The following INTS9 variants were observed in gnomAD, a reference collection of about 807,000 sequenced individuals.
The protein encoded by INTS9 is protein related to CPSF subunits of 74 kDa.
Under a neutral mutation model 79.7 loss-of-function variants are expected in INTS9, and 55 were observed. The ratio of observed to expected loss-of-function variants is 0.69; its 90% CI spans 0.56 to 0.86. INTS9 has a LOEUF of 0.86. INTS9 is among the 40% of genes least tolerant of loss of function. The probability of loss-of-function intolerance (pLI) is 0.00; values close to 1 mark genes in which losing one functional copy is unlikely to be tolerated. For missense variants in INTS9, 721 were observed against 831.5 expected (o/e 0.87, Z 1.64); for synonymous variants, 319 against 325.2 (o/e 0.98, Z 0.20).
chr8:28,777,747 C>A (rs1802977431), intron 13 of INTS9, 82 bp downstream of exon 13: 2 of 1,448,846 alleles, frequency 1.4e-6, no homozygotes, highest in Non-Finnish European at 1.8e-6. Context: ...ACAGCTAGAT[C>A]TCTCTCCCCT....
At chr8:28,803,423 T>A (rs1455882697) in intron 8 of INTS9, among the ~76,000 whole-genome samples, 1 of 152,260 alleles carries the variant, frequency 6.6e-6, no homozygotes, top group Non-Finnish European at 1.5e-5. Context: ...CCAATACGTT[T>A]ATGGGATCTT....
At chr8:28,844,113 G>A (rs1404184540) in intron 4 of INTS9, among the ~76,000 whole-genome samples, 2 of 152,174 alleles carry the variant, frequency 1.3e-5, no homozygotes, top group African/African-American at 2.4e-5. Context: ...ACAGGAGGTG[G>A]CTATGAAGTT....
chr8:28,773,238 T>C lies in INTS9; in HGVS notation c.1564-2158A>G, dbSNP rs191695902. 2.4e-3 allele frequency among the ~76,000 whole-genome samples: 370 copies of C among 151,944 alleles called. 18 individuals are homozygous for C. The East Asian group carries it at 0.055, about 23-fold the overall frequency. On this transcript the variant is annotated intron_variant, in intron 14 of 16. Transcript: ENST00000521022. The stretch of plus-strand genomic sequence containing the variant: ...CAGCACTCTGGGAGGCCAAGGCGGG[T>C]GGATCACAAGGTCAGGAGATTGAGA...
intron 2 of INTS9, among the ~76,000 whole-genome samples, chr8:28,852,465 T>C (rs1455462521): frequency 6.6e-6 from 1 of 152,236 alleles, no homozygotes; most frequent in Non-Finnish European, 1.5e-5. Context: ...TTGAAAAATA[T>C]ATTTGCTATC....
chr8:28,797,669 C>T (rs948648017), intron 8 of INTS9, among the ~76,000 whole-genome samples: 1 of 152,016 alleles, frequency 6.6e-6, no homozygotes, highest in African/African-American at 2.4e-5. Flanking sequence ...AATAAGAAAC[C>T]AAAATGAGGG....
chr8:28,844,897 A>G lies in INTS9; in HGVS notation c.261+1850T>C, dbSNP rs916413004. ...AGAAAATAGACTAGTTTCTATATAT[A>G]TTTTATGCATTCATGACATGCCTAA... On this transcript the variant is annotated intron_variant, in intron 4 of 16. Coordinates refer to ENST00000521022, the MANE Select transcript of INTS9 (RefSeq NM_018250.4). Among the ~76,000 whole-genome samples the G allele has an allele frequency of 5.3e-5, 8 of 152,306 alleles. No homozygotes were observed. The East Asian group carries it at 1.5e-3, about 29-fold the overall frequency.
chr8:28,792,333 AAAAG>A (rs1469711272), intron 10 of INTS9, among the ~76,000 whole-genome samples: 10 of 152,284 alleles, frequency 6.6e-5, no homozygotes, highest in Middle Eastern at 3.4e-3. Flanking sequence ...GTGATGTAAA[AAAAG>A]AAAGAAAGAA....
chr8:28,773,395 C>T (rs191080424), intron 14 of INTS9, among the ~76,000 whole-genome samples: 2 of 142,546 alleles, frequency 1.4e-5, no homozygotes, highest in Admixed American at 7.3e-5. Context: ...AGCTGGGAGG[C>T]GGAGCTTGCA....
chr8:28,849,553 C>T (rs559071489), intron 3 of INTS9, among the ~76,000 whole-genome samples: 2 of 151,630 alleles, frequency 1.3e-5, no homozygotes, highest in South Asian at 2.1e-4. Context: ...CAGGTTGAAA[C>T]GGGATCACAG....
chr8:28,876,981 T>C (rs1485041513), intron 1 of INTS9, among the ~76,000 whole-genome samples: 5 of 152,116 alleles, frequency 3.3e-5, no homozygotes, highest in Non-Finnish European at 7.4e-5. Flanking sequence ...ATTCTTAGAC[T>C]CAATGATACA....
chr8:28,863,277 T>C (rs1808554167), intron 1 of INTS9, among the ~76,000 whole-genome samples: 1 of 152,156 alleles, frequency 6.6e-6, no homozygotes, highest in Non-Finnish European at 1.5e-5. Context: ...TTTTCTAGCT[T>C]AACAAGCCCA....
intron 6 of INTS9, among the ~76,000 whole-genome samples, chr8:28,831,256 G>A (rs932603152): frequency 1.3e-5 from 2 of 152,166 alleles, no homozygotes; most frequent in Non-Finnish European, 2.9e-5. Flanking sequence ...GGAGCTGAAC[G>A]AGAACACATG....
At chr8:28,888,280 G>A (rs1475624532) in intron 1 of INTS9, among the ~76,000 whole-genome samples, 15 of 152,140 alleles carry the variant, frequency 9.9e-5, no homozygotes, top group Admixed American at 9.8e-4. Context: ...GACCAGGCAT[G>A]GTGGCTCATG....
chr8:28,783,611 C>T (rs1803424090), intron 11 of INTS9: 1 of 152,182 alleles, frequency 6.6e-6, no homozygotes, highest in African/African-American at 2.4e-5. Context: ...ACTCTCTTCA[C>T]CTTGAAGACC....
At chr8:28,777,791 C>T (rs1802981364) in intron 13 of INTS9, 38 bp downstream of exon 13, 1 of 1,563,714 alleles carries the variant, frequency 6.4e-7, no homozygotes. Context: ...ACCAAGGTGA[C>T]ATGACTACGT....
intron 3 of INTS9, among the ~76,000 whole-genome samples, chr8:28,849,578 G>A (rs369937455): frequency 6.6e-6 from 1 of 151,748 alleles, no homozygotes; most frequent in Non-Finnish European, 1.5e-5. Context: ...TAGTGTCGGA[G>A]ACCCACTACT....
intron 1 of INTS9, among the ~76,000 whole-genome samples, chr8:28,879,370 C>A (rs530043232): frequency 2.6e-5 from 4 of 152,142 alleles, no homozygotes; most frequent in African/African-American, 9.7e-5. Flanking sequence ...ATCCAAGAAC[C>A]ATTTACGATA....
At chr8:28,815,834 A>G (rs1023904876) in intron 6 of INTS9, among the ~76,000 whole-genome samples, 3 of 152,150 alleles carry the variant, frequency 2.0e-5, no homozygotes, top group Admixed American at 2.0e-4. Context: ...TCAATTACTA[A>G]ATACTATAAT....
chr8:28,835,315 C>T lies in INTS9; in HGVS notation c.465G>A (p.Leu155=). The T allele has an allele frequency of 6.2e-7, 1 of 1,613,606 alleles. No individual in the cohort carries two copies. The highest frequency in any genetic ancestry group is 8.5e-7 in the Non-Finnish European group (1 of 1,179,590). Residue 155 remains leucine, a synonymous_variant, in exon 6 of 17, where the codon TTG becomes TTA. Transcript: ENST00000521022. ...ERVPKAQSAS[L]WKNKDIQRLL... Reference sequence around the variant, plus strand: ...ACCTCTGAATGTCCTTATTCTTCCACAAGGAGGCAGACTGAGCCTTTGGCA... The same window carrying T: ...ACCTCTGAATGTCCTTATTCTTCCATAAGGAGGCAGACTGAGCCTTTGGCA...
Sources: allele counts gnomAD v4.1 joint callset (sites outside exome capture counted in the v4.1 genomes callset), GRCh38; gene constraint gnomAD v4.1.1; transcripts MANE v1.5; gene names NCBI Gene and HGNC (gene_info 2026-07-23, HGNC 2026-07-21).